Variants in CERT1 observed in about 807,000 individuals in gnomAD.
The protein encoded by CERT1 is ceramide transporter 1.
In CERT1, 31 loss-of-function variants were observed where a neutral mutation model predicts 87.9. The observed-to-expected ratio is 0.35, with a 90% CI of 0.27 to 0.48. The LOEUF is 0.48. Among genes scored for constraint, CERT1 ranks in the 20% least tolerant of loss-of-function variants. The pLI, the probability that CERT1 is intolerant of heterozygous loss-of-function variation, is 0.99. For missense variants in CERT1, 487 were observed against 758.0 expected, an observed-to-expected ratio of 0.64 and a Z score of 4.20; for synonymous variants, 289 against 250.9, an observed-to-expected ratio of 1.15 and a Z score of -1.44.
intron 11 of CERT1, among the ~76,000 whole-genome samples, chr5:75,393,701 C>T (rs1273706988): frequency 6.7e-6 from 1 of 149,316 alleles, no homozygotes; most frequent in Non-Finnish European, 1.5e-5. Context: ...CAGGGTGGCT[C>T]ATGCCTGTAA....
intron 2 of CERT1, among the ~76,000 whole-genome samples, chr5:75,478,993 A>C (rs1766105438): frequency 6.7e-6 from 1 of 148,186 alleles, no homozygotes; most frequent in Admixed American, 6.7e-5. Flanking sequence ...TGCTTCTATT[A>C]GCCATATCTA....
intron 5 of CERT1, among the ~76,000 whole-genome samples, chr5:75,422,543 G>C (rs543335675): frequency 1.3e-5 from 2 of 152,164 alleles, no homozygotes; most frequent in African/African-American, 4.8e-5. Flanking sequence ...CTTGGGCCTG[G>C]GGGGCGGAGG....
intron 2 of CERT1, among the ~76,000 whole-genome samples, chr5:75,498,286 A>G (rs527527374): frequency 2.0e-5 from 3 of 152,228 alleles, no homozygotes; most frequent in Non-Finnish European, 4.4e-5. Flanking sequence ...ATTCAAGCCT[A>G]CTGCAAAAAT....
At chr5:75,454,374 G>C (rs1406521516) in intron 3 of CERT1, among the ~76,000 whole-genome samples, 1 of 152,110 alleles carries the variant, frequency 6.6e-6, no homozygotes, top group African/African-American at 2.4e-5. Flanking sequence ...ATTTTAATGT[G>C]CATTTCTTGC....
chr5:75,453,125 T>C (rs2112287664), intron 3 of CERT1, among the ~76,000 whole-genome samples: 1 of 152,256 alleles, frequency 6.6e-6, no homozygotes, highest in East Asian at 1.9e-4. Context: ...AAACTTTTCT[T>C]GTAGTGAGCA....
chr5:75,443,202 T>C (rs1348978287), intron 3 of CERT1, among the ~76,000 whole-genome samples: 1 of 152,204 alleles, frequency 6.6e-6, no homozygotes, highest in East Asian at 1.9e-4. Flanking sequence ...TGTTTTTCTA[T>C]TCTCGTTTTG....
intron 8 of CERT1, among the ~76,000 whole-genome samples, chr5:75,408,506 G>A (rs1472510891): frequency 6.6e-6 from 1 of 152,050 alleles, no homozygotes; most frequent in Non-Finnish European, 1.5e-5. Context: ...CCTCAGTTTG[G>A]TCCCAGAACA....
chr5:75,408,892 A>T (rs979999869), intron 8 of CERT1, among the ~76,000 whole-genome samples: 1 of 152,120 alleles, frequency 6.6e-6, no homozygotes, highest in Non-Finnish European at 1.5e-5. Context: ...ACCTAGCACA[A>T]GGCCCCTCTT....
At chr5:75,469,118 T>G (rs1765596450) in intron 2 of CERT1, among the ~76,000 whole-genome samples, 1 of 151,716 alleles carries the variant, frequency 6.6e-6, no homozygotes, top group African/African-American at 2.4e-5. Flanking sequence ...ATTGAAATAA[T>G]AATTAAAAGA....
intron 5 of CERT1, 70 bp downstream of exon 5, chr5:75,425,291 C>T: frequency 6.9e-7 from 1 of 1,447,246 alleles, no homozygotes; most frequent in Non-Finnish European, 9.5e-7. Context: ...AAAGACATTA[C>T]CCTTTGAGAT....
chr5:75,490,085 C>T (rs906941169), intron 2 of CERT1, among the ~76,000 whole-genome samples: 4 of 152,188 alleles, frequency 2.6e-5, no homozygotes, highest in Non-Finnish European at 5.9e-5. Context: ...TCTCAGCAAA[C>T]TAACACAGGA....
chr5:75,502,550 C>G (rs1166173803), intron 2 of CERT1, among the ~76,000 whole-genome samples: 1 of 151,922 alleles, frequency 6.6e-6, no homozygotes, highest in Non-Finnish European at 1.5e-5. Context: ...TGTATTAAAA[C>G]AAGGTGCAGA....
At chr5:75,407,458 C>T (rs1261667766) in intron 8 of CERT1, among the ~76,000 whole-genome samples, 4 of 126,034 alleles carry the variant, frequency 3.2e-5, no homozygotes, top group Non-Finnish European at 3.3e-5. Context: ...TTTTAAGGTA[C>T]GAAGGAAAAA....
chr5:75,398,114 CA>C (rs1561233118), intron 11 of CERT1, among the ~76,000 whole-genome samples: 1 of 152,074 alleles, frequency 6.6e-6, no homozygotes, highest in Non-Finnish European at 1.5e-5. Context: ...ATTTCTGATC[CA>C]GAATTGCTAA....
chr5:75,434,765 T>C lies in CERT1; in HGVS notation c.349-8287A>G, dbSNP rs76042639. 1.1e-3 allele frequency among the ~76,000 whole-genome samples: 169 copies of C among 152,240 alleles called. 2 individuals carry two copies. The East Asian group carries it at 0.027, about 24-fold the overall frequency. ...CCAGGAATTCACCTATTTCTAGGTT[T>C]TGTAGTTTTTGTGCACAGAGGTTTT... On this transcript the variant is annotated intron_variant, in intron 3 of 16. Transcript: ENST00000643780.
intron 7 of CERT1, among the ~76,000 whole-genome samples, chr5:75,415,035 TACAC>T (rs150043321): frequency 2.5e-4 from 38 of 149,370 alleles, no homozygotes; most frequent in Middle Eastern, 3.4e-3. Context: ...TGTGTATATA[TACAC>T]ACACACACAC....
At chr5:75,428,134 T>C (rs574102117) in intron 3 of CERT1, among the ~76,000 whole-genome samples, 7 of 152,290 alleles carry the variant, frequency 4.6e-5, no homozygotes, top group Admixed American at 3.3e-4. Context: ...ATATTCTTTT[T>C]AGCTATAAGA....
At chr5:75,484,355 C>G (rs1417259425) in intron 2 of CERT1, among the ~76,000 whole-genome samples, 1 of 146,890 alleles carries the variant, frequency 6.8e-6, no homozygotes, top group Non-Finnish European at 1.5e-5. Context: ...ACAAAATAAC[C>G]AGAAAACAAA....
At chr5:75,511,639 T>C (rs1189731031), upstream of CERT1, 3 of 1,484,974 alleles carry the variant, frequency 2.0e-6, no homozygotes, top group Non-Finnish European at 2.7e-6. Context: ...TACCCTCCCC[T>C]CCCCTGTCCT....
Sources: gnomAD v4.1 joint callset for allele counts (sites outside exome capture counted in the v4.1 genomes callset) on GRCh38, gnomAD v4.1.1 for gene constraint, MANE v1.5 for transcripts, NCBI Gene and HGNC (gene_info 2026-07-23, HGNC 2026-07-21) for gene names.